ADAMTS17: variants seen among roughly 807,000 people sequenced by gnomAD.
The protein encoded by ADAMTS17 is A disintegrin and metalloproteinase with thrombospondin motifs 17.
ADAMTS17 carries 113 observed loss-of-function variants against 141.5 expected under a neutral mutation model. The observed-to-expected ratio is 0.80, with a 90% CI of 0.69 to 0.93. ADAMTS17 has a LOEUF of 0.93. ADAMTS17 is among the 40% of genes least tolerant of loss of function. ADAMTS17 has a pLI of 0.00. For missense variants in ADAMTS17, 1,659 were observed against 1,517.9 expected (o/e 1.09, Z -1.54); for synonymous variants, 768 against 630.6 (o/e 1.22, Z -3.27).
chr15:100,022,093 A>T (rs1174510925), intron 18 of ADAMTS17, among the ~76,000 whole-genome samples: 1 of 152,064 alleles, frequency 6.6e-6, no homozygotes. Flanking sequence ...TTGGCTACTA[A>T]ACTTCCCCGG....
intron 7 of ADAMTS17, among the ~76,000 whole-genome samples, chr15:100,246,009 T>G (rs1466198193): frequency 1.3e-5 from 2 of 151,852 alleles, no homozygotes; most frequent in African/African-American, 4.8e-5. Flanking sequence ...CACACAGAGG[T>G]CAAGGCAGGA....
At chr15:100,152,507 C>T (rs1256451452) in intron 10 of ADAMTS17, 105 bp downstream of exon 10, 1 of 1,472,868 alleles carries the variant, frequency 6.8e-7, no homozygotes. Flanking sequence ...TGTGTATGTG[C>T]CTGTGCTGAG....
intron 3 of ADAMTS17, among the ~76,000 whole-genome samples, chr15:100,303,800 AC>A (rs1173913804): frequency 1.3e-5 from 2 of 151,966 alleles, no homozygotes; most frequent in Admixed American, 1.3e-4. Context: ...GCTCATTGCA[AC>A]CTCTGCCTCC....
At chr15:100,101,593 G>A (rs1283131074) in intron 14 of ADAMTS17, among the ~76,000 whole-genome samples, 1 of 152,204 alleles carries the variant, frequency 6.6e-6, no homozygotes, top group African/African-American at 2.4e-5. Flanking sequence ...AGAGGACTGT[G>A]TCTGAGAATT....
At chr15:100,255,903 G>A (rs547799752) in intron 6 of ADAMTS17, among the ~76,000 whole-genome samples, 111 of 152,194 alleles carry the variant, frequency 7.3e-4, no homozygotes, top group Non-Finnish European at 1.4e-3. Flanking sequence ...GACAGACCCC[G>A]AGGTACCACC....
At chr15:100,097,682 TCCCAGCCCTAGAGTTTCTGA>T (rs1034996575) in intron 14 of ADAMTS17, among the ~76,000 whole-genome samples, 17 of 152,350 alleles carry the variant, frequency 1.1e-4, no homozygotes, top group Admixed American at 1.1e-3. Context: ...AACTGCTCTG[TCCCAGCCCTAGAGTTTCTGA>T]CCCAGCAGGT....
At position 100,225,219 on chromosome 15, in the gene ADAMTS17, A is replaced by T. The variant is rs2042256212; in HGVS notation, c.1076-25796T>A. 2.0e-5 allele frequency among the ~76,000 whole-genome samples: 3 copies of T among 152,390 alleles called. No individual in the cohort carries two copies. In the South Asian group the frequency reaches 6.2e-4, roughly 32 times the overall value. On this transcript the variant is annotated intron_variant, in intron 7 of 21. Coordinates refer to ENST00000268070, the MANE Select transcript of ADAMTS17 (RefSeq NM_139057.4). Reference sequence around the variant, plus strand: ...GAGGAACATAGCAAAGATTTTATAAAAGGGCTAAAAGATCCTTTTTAATTC... The same window carrying T: ...GAGGAACATAGCAAAGATTTTATAATAGGGCTAAAAGATCCTTTTTAATTC...
intron 12 of ADAMTS17, among the ~76,000 whole-genome samples, chr15:100,130,363 CAA>C (rs753208963): frequency 2.7e-4 from 29 of 105,930 alleles, no homozygotes; most frequent in Admixed American, 4.0e-4. Context: ...GGCTCCATCT[CAA>C]AAAAAAAAAA....
chr15:100,028,606 C>T (rs1261028257), intron 18 of ADAMTS17, among the ~76,000 whole-genome samples: 1 of 152,242 alleles, frequency 6.6e-6, no homozygotes, highest in African/African-American at 2.4e-5. Flanking sequence ...TAGCTCGCAT[C>T]ATTCTCATGA....
chr15:100,106,110 C>T (rs2036400538), intron 14 of ADAMTS17, among the ~76,000 whole-genome samples: 1 of 152,178 alleles, frequency 6.6e-6, no homozygotes, highest in Non-Finnish European at 1.5e-5. Context: ...GATCCTCCCA[C>T]CTCAGCCTCT....
chr15:100,148,377 TC>T (rs1567255886), intron 10 of ADAMTS17, among the ~76,000 whole-genome samples: 7 of 143,432 alleles, frequency 4.9e-5, no homozygotes, highest in Admixed American at 1.4e-4. Context: ...CCACCTAGTA[TC>T]ATTTTCTGCA....
chr15:99,977,401 A>AT (rs71151928), intron 20 of ADAMTS17, among the ~76,000 whole-genome samples: 70 of 5,156 alleles, frequency 0.014, 4 homozygotes, highest in Admixed American at 0.023. Flanking sequence ...TATATATATA[A>AT]TTTTTTTTTT....
chr15:100,163,426 C>T (rs903394763), intron 8 of ADAMTS17, among the ~76,000 whole-genome samples: 3 of 150,442 alleles, frequency 2.0e-5, no homozygotes, highest in East Asian at 2.0e-4. Context: ...CTTCATGATC[C>T]ACATTTTTTT....
intron 13 of ADAMTS17, among the ~76,000 whole-genome samples, chr15:100,110,103 G>A (rs1013585103): frequency 2.7e-5 from 4 of 147,680 alleles, no homozygotes; most frequent in Admixed American, 1.3e-4. Context: ...AGAGGGCAGG[G>A]GACTTAAGCT....
chr15:99,974,592 G>C (rs968692171), intron 21 of ADAMTS17, 30 bp from the exon 22 acceptor site: 1 of 1,614,086 alleles, frequency 6.2e-7, no homozygotes, highest in Admixed American at 1.7e-5. Context: ...AATACCCAGG[G>C]TCAGGGATGG....
intron 4 of ADAMTS17, among the ~76,000 whole-genome samples, chr15:100,262,677 A>C (rs900613807): frequency 6.6e-6 from 1 of 151,994 alleles, no homozygotes; most frequent in African/African-American, 2.4e-5. Context: ...CTCTGTACTA[A>C]CTGATCAACT....
chr15:99,988,899 A>G (rs1464782421), intron 20 of ADAMTS17, among the ~76,000 whole-genome samples: 1 of 152,182 alleles, frequency 6.6e-6, no homozygotes, highest in Non-Finnish European at 1.5e-5. Flanking sequence ...AGTGTCCCAC[A>G]TGTTATTCCC....
chr15:99,999,194 G>A (rs1478750902), intron 18 of ADAMTS17, among the ~76,000 whole-genome samples: 2 of 152,190 alleles, frequency 1.3e-5, no homozygotes. Flanking sequence ...CAAAGTCCCT[G>A]CCCTCTGAAG....
At chr15:100,049,386 G>A (rs2031965850) in intron 17 of ADAMTS17, among the ~76,000 whole-genome samples, 1 of 152,184 alleles carries the variant, frequency 6.6e-6, no homozygotes, top group South Asian at 2.1e-4. Flanking sequence ...TCAGCCCTCA[G>A]CAGAGTCTGG....
Sources: allele counts gnomAD v4.1 joint callset (sites outside exome capture counted in the v4.1 genomes callset), GRCh38; gene constraint gnomAD v4.1.1; transcripts MANE v1.5; gene names NCBI Gene and HGNC (gene_info 2026-07-23, HGNC 2026-07-21).